SDK2: variants seen among roughly 807,000 people sequenced by gnomAD.
The protein encoded by SDK2 is sidekick cell adhesion molecule 2.
SDK2 carries 105 observed loss-of-function variants against 253.9 expected under a neutral mutation model. That is an observed-to-expected ratio of 0.41 (90% confidence interval 0.35 to 0.49). The LOEUF (loss-of-function observed/expected upper bound fraction) is 0.49. Ranked by LOEUF, SDK2 falls within the 20% of genes least tolerant of loss-of-function variation. The probability of loss-of-function intolerance (pLI) is 0.06; values close to 1 mark genes in which losing one functional copy is unlikely to be tolerated. For synonymous variants in SDK2, 1,249 were observed against 1,234.9 expected (o/e 1.01, Z -0.24); for missense variants, 2,608 against 3,003.0 (o/e 0.87, Z 3.07).
intron 1 of SDK2, among the ~76,000 whole-genome samples, chr17:73,550,071 C>T (rs1484314894): frequency 1.3e-5 from 2 of 152,218 alleles, no homozygotes; most frequent in Admixed American, 6.5e-5. Flanking sequence ...GTTTCTCCCT[C>T]TGGTTGCACC....
chr17:73,453,840 G>C (rs2063505041), intron 4 of SDK2, among the ~76,000 whole-genome samples: 1 of 152,124 alleles, frequency 6.6e-6, no homozygotes, highest in Non-Finnish European at 1.5e-5. Flanking sequence ...AGAGTCTTAG[G>C]ATAGAGCCCA....
At chr17:73,546,652 C>A (rs1239369597) in intron 1 of SDK2, among the ~76,000 whole-genome samples, 2 of 152,222 alleles carry the variant, frequency 1.3e-5, no homozygotes, top group Admixed American at 1.3e-4. Context: ...TCAGAGACCC[C>A]TGGCATGGTG....
At chr17:73,633,305 A>T (rs1402079462) in intron 1 of SDK2, among the ~76,000 whole-genome samples, 12 of 152,098 alleles carry the variant, frequency 7.9e-5, no homozygotes. Flanking sequence ...TTAAATATAA[A>T]ATAAAATTTA....
Position 73,361,545 on chromosome 17 carries a change from TG to T in SDK2, c.5467+138del. The T allele has an allele frequency of 1.2e-6, 1 of 805,734 alleles. No individual in the cohort carries two copies. 49.9% of individuals were successfully genotyped at this position (805,734 alleles called of 1,614,324 possible). On this transcript the variant is annotated intron_variant, in intron 39 of 44. Transcript: ENST00000392650. The surrounding 1 kb of genome is among the most constrained non-coding windows in gnomAD (Gnocchi z 4.1). The stretch of plus-strand genomic sequence containing the variant: ...AGGAGGGAGCGGGGGGAGGGGTCAC[TG>T]GGCACCAGGGGAAAGAGTGAGCTCT...
chr17:73,374,244 G>C lies in SDK2; in HGVS notation c.4980+4933C>G, dbSNP rs1174829907. 2.1e-5 allele frequency among the ~76,000 whole-genome samples: 3 copies of C among 144,234 alleles called. 1 individual carries two copies. Among genetic ancestry groups the C allele is most frequent in the African/African-American group, 8.3e-5 (3 of 36,084 alleles). The allele number at this position is 144,234 out of a possible 152,430, so 94.6% of individuals were successfully genotyped here. ...CGAGGACTCTATAATTCACATCTCT[G>C]GTTTGATCCTTCTCTCTTGAACTCC... On this transcript the variant is annotated intron_variant, in intron 36 of 44. Transcript: ENST00000392650.
chr17:73,350,154 C>G, intron 43 of SDK2, 83 bp downstream of exon 43: 1 of 325,378 alleles, frequency 3.1e-6, no homozygotes, highest in South Asian at 6.0e-5. Context: ...GGTGGGCACT[C>G]CCTGCTCTAT....
rs1316980929 is a variant in SDK2 at position 73,643,398 on chromosome 17, C to G, written c.64+627G>C. ...TCAGACCCTCCCTGTGCACCACCCCCCGGTGGGTCCGCGGCTGCACCCGCG... is the reference window on the plus strand; with the variant it reads ...TCAGACCCTCCCTGTGCACCACCCCGCGGTGGGTCCGCGGCTGCACCCGCG... On this transcript the variant is annotated intron_variant, in intron 1 of 44. Coordinates refer to ENST00000392650, the MANE Select transcript of SDK2 (RefSeq NM_001144952.2). This position sits in a 1 kb window ranked among gnomAD's most constrained non-coding sequence, Gnocchi z 6.9. Among the ~76,000 whole-genome samples, 2 of 152,254 alleles carry G rather than the reference C, an allele frequency of 1.3e-5. No individual in the cohort carries two copies. The highest frequency in any genetic ancestry group is 6.5e-5 in the Admixed American group (1 of 15,298).
chr17:73,510,007 T>C (rs777281046), intron 1 of SDK2, among the ~76,000 whole-genome samples: 1 of 150,156 alleles, frequency 6.7e-6, no homozygotes, highest in Non-Finnish European at 1.5e-5. Context: ...AGTTTGCAGC[T>C]GGAAGGGAGT....
At chr17:73,403,443 C>T (rs192735433) in intron 18 of SDK2, among the ~76,000 whole-genome samples, 1 of 151,882 alleles carries the variant, frequency 6.6e-6, no homozygotes, top group African/African-American at 2.4e-5. Flanking sequence ...CCGCCTGTCT[C>T]GCCTCCTGCT....
At chr17:73,391,208 C>A (rs1313430648) in intron 28 of SDK2, among the ~76,000 whole-genome samples, 1 of 152,206 alleles carries the variant, frequency 6.6e-6, no homozygotes, top group Non-Finnish European at 1.5e-5. Flanking sequence ...TTTGGGGACG[C>A]AAAGCCAACC....
In SDK2 at chr17:73,618,353, T is replaced by C. The variant is rs1220537151; in HGVS notation, c.64+25672A>G. 6.6e-6 allele frequency among the ~76,000 whole-genome samples: 1 copy of C among 152,242 alleles called. No homozygotes were observed. The highest frequency in any genetic ancestry group is 2.4e-5 in the African/African-American group (1 of 41,466). ...CTCCCCATGGAGAGGGAGAGCTCGC[T>C]GTGCCTGTGGATTCATTTATAGTCG... On this transcript the variant is annotated intron_variant, in intron 1 of 44. Transcript: ENST00000392650. This position sits in a 1 kb window ranked among gnomAD's most constrained non-coding sequence, Gnocchi z 4.1.
rs112936861 is a variant in SDK2, at chr17:73,419,251, C to A, written c.2101G>T (p.Gly701Cys). The A allele has an allele frequency of 4.3e-6, 7 of 1,612,810 alleles. No individual in the cohort carries two copies. The highest frequency in any genetic ancestry group is 1.3e-5 in the African/African-American group (1 of 74,880). ...TAPPQNVIAS[G>C]RTNQSIMIQW... ...ATCATGATGGACTGGTTGGTTCGAC[C>A]GCTGGCGATGACGTTCTGTGGAGGG... is the stretch of plus-strand genomic sequence containing the variant. The change falls in exon 16 of 45, where the codon GGT becomes TGT. Residue 701 changes from glycine (G) to cysteine (C), a missense_variant. Around this residue, in one of 2 missense-constraint regions of SDK2, gnomAD observed 1,505 missense variants for 1,859.1 expected, o/e 0.81. Transcript: ENST00000392650.
Position 73,337,053 on chromosome 17 carries a change from A to ATGTGTGTGTGTATGTGTATG in SDK2, c.*1533_*1534insCATACACATACACACACACA. On this transcript the variant is annotated 3_prime_UTR_variant, in exon 45 of 45. Transcript: ENST00000392650. ...TCCTTGGAGCAGATTGTGTATGTGT[A>ATGTGTGTGTGTATGTGTATG]TGTGTGTGTGTGTGTGTGTGTGTGT... 6.7e-6 allele frequency: 1 copy of ATGTGTGTGTGTATGTGTATG among 148,810 alleles called. No homozygotes were observed. The highest frequency in any genetic ancestry group is 2.2e-4 in the South Asian group (1 of 4,650). 9.2% of individuals were successfully genotyped at this position (148,810 alleles called of 1,614,324 possible). A position where few individuals can be genotyped will look rare whatever the true frequency, so the allele number is the denominator to read the frequency against.
At chr17:73,575,901 G>A (rs1323193257) in intron 1 of SDK2, among the ~76,000 whole-genome samples, 1 of 152,174 alleles carries the variant, frequency 6.6e-6, no homozygotes, top group Non-Finnish European at 1.5e-5. Flanking sequence ...TCAAGGGGGA[G>A]AGGAGGTATA....
chr17:73,422,197 G>T, intron 15 of SDK2, 90 bp downstream of exon 15: 1 of 1,453,288 alleles, frequency 6.9e-7, no homozygotes, highest in Non-Finnish European at 9.4e-7. Flanking sequence ...GCCAGGAGGA[G>T]CTGAGCCAGA....
intron 1 of SDK2, among the ~76,000 whole-genome samples, chr17:73,561,068 C>T (rs566593593): frequency 2.6e-5 from 4 of 152,330 alleles, no homozygotes; most frequent in East Asian, 3.9e-4. Context: ...GACCCAGCCT[C>T]GCTCCTGGTC....
intron 3 of SDK2, 141 bp from the exon 4 acceptor site, chr17:73,456,194 C>A: frequency 1.1e-6 from 1 of 871,314 alleles, no homozygotes; most frequent in South Asian, 2.0e-5. Flanking sequence ...ACACCTTGCT[C>A]GGGCCACCCC....
intron 1 of SDK2, among the ~76,000 whole-genome samples, chr17:73,545,165 G>C (rs1323036642): frequency 3.4e-5 from 5 of 148,732 alleles, no homozygotes; most frequent in Non-Finnish European, 7.4e-5. Context: ...CTTGGGGGCT[G>C]TGGCCTCTGT....
At chr17:73,498,455 C>A (rs2063860991) in intron 2 of SDK2, among the ~76,000 whole-genome samples, 1 of 152,212 alleles carries the variant, frequency 6.6e-6, no homozygotes, top group Non-Finnish European at 1.5e-5. Flanking sequence ...GCGGGGCTGG[C>A]ACTGCCTTTC....
Sources: allele counts gnomAD v4.1 joint callset (sites outside exome capture counted in the v4.1 genomes callset), GRCh38; gene constraint gnomAD v4.1.1; regional missense constraint gnomAD v4.1.1; non-coding constraint Gnocchi (gnomAD v3.1); transcripts MANE v1.5; gene names NCBI Gene and HGNC (gene_info 2026-07-23, HGNC 2026-07-21).